The following ARHGEF7 variants were observed in gnomAD, a reference collection of about 807,000 sequenced individuals.
The protein encoded by ARHGEF7 is Rho guanine nucleotide exchange factor 7, also known as PAK-interacting exchange factor beta.
ARHGEF7 carries 33 observed loss-of-function variants against 109.8 expected under a neutral mutation model. The ratio of observed to expected loss-of-function variants is 0.30; its 90% CI spans 0.23 to 0.40. The LOEUF is 0.40. Ranked by LOEUF, ARHGEF7 falls within the 10% of genes least tolerant of loss-of-function variation. The pLI is 1.00. For missense variants in ARHGEF7, 938 were observed against 1,098.5 expected (o/e 0.85, Z 2.07); for synonymous variants, 458 against 424.6 (o/e 1.08, Z -0.97).
chr13:111,286,147 G>T lies in ARHGEF7; in HGVS notation c.1951G>T (p.Asp651Tyr), dbSNP rs1362574058. The T allele has an allele frequency of 6.2e-7, 1 of 1,612,316 alleles. No homozygotes were observed. The highest frequency in any genetic ancestry group is 8.5e-7 in the Non-Finnish European group (1 of 1,178,510). The change falls in exon 17 of 22, where the codon GAT (aspartate) becomes TAT (tyrosine). Residue 651 changes from aspartate to tyrosine, a missense_variant and splice_region_variant. Coordinates refer to ENST00000646102, the MANE Select transcript of ARHGEF7 (RefSeq NM_001354046.2). ...RPSAALCYKE[D>Y]LSKSPKTMKK... ...AGCATTTTCTTTTGTCTTTCCCTAG[G>T]ATCTTAGTAAGAGCCCTAAGACCAT...
intron 2 of ARHGEF7, among the ~76,000 whole-genome samples, chr13:111,177,422 G>A (rs966467971): frequency 6.6e-6 from 1 of 152,214 alleles, no homozygotes; most frequent in Admixed American, 6.5e-5. Flanking sequence ...AGCTCAGGCG[G>A]GGTGTGAGAT....
intron 1 of ARHGEF7, 89 bp from the exon 2 acceptor site, chr13:111,153,816 G>A: frequency 1.3e-6 from 2 of 1,497,834 alleles, no homozygotes; most frequent in Non-Finnish European, 1.8e-6. Context: ...CCGCTGTGTT[G>A]GGAGCGCGGG....
chr13:111,115,791 C>G (rs1205232403), intron 1 of ARHGEF7, 100 bp downstream of exon 1: 2 of 574,470 alleles, frequency 3.5e-6, no homozygotes, highest in Non-Finnish European at 4.5e-6. Flanking sequence ...TCGGGAAACC[C>G]GTGCGCCCTC....
At chr13:111,293,437 A>T (rs1247069734) in intron 19 of ARHGEF7, 12 of 9,816 alleles carry the variant, frequency 1.2e-3, no homozygotes, top group African/African-American at 2.1e-3. Flanking sequence ...TCACTTATTT[A>T]AAAAAAAAAA....
At position 111,297,256 on chromosome 13, in the gene ARHGEF7, C is replaced by T. The variant is rs548515350; in HGVS notation, c.2312-3492C>T. Among the ~76,000 whole-genome samples the T allele has an allele frequency of 1.4e-4, 21 of 152,284 alleles. No homozygotes were observed. In the South Asian group the frequency reaches 1.7e-3, roughly 12 times the overall value. On this transcript the variant is annotated intron_variant, in intron 19 of 21. Transcript: ENST00000646102. ...TTATTAGAATTGCATAATTTCTAGG[C>T]GTGTTAATAATCCTCATTTACAAGC...
At chr13:111,203,395 C>G (rs1353417111) in intron 2 of ARHGEF7, among the ~76,000 whole-genome samples, 1 of 152,168 alleles carries the variant, frequency 6.6e-6, no homozygotes, top group Non-Finnish European at 1.5e-5. Flanking sequence ...GGGATTTCTT[C>G]TTAAATAATA....
chr13:111,174,780 G>A (rs2077963860), intron 2 of ARHGEF7, among the ~76,000 whole-genome samples: 1 of 152,350 alleles, frequency 6.6e-6, no homozygotes. Flanking sequence ...GGGGTCGTAA[G>A]CAGAAAGGAG....
At chr13:111,242,789 C>G (rs1037824494) in intron 6 of ARHGEF7, among the ~76,000 whole-genome samples, 2 of 152,330 alleles carry the variant, frequency 1.3e-5, no homozygotes, top group Admixed American at 6.5e-5. Context: ...GAGAAGTCAG[C>G]TTCTCTAAGA....
At chr13:111,135,725 A>G (rs929248966) in intron 1 of ARHGEF7, among the ~76,000 whole-genome samples, 27 of 152,222 alleles carry the variant, frequency 1.8e-4, no homozygotes, top group African/African-American at 5.5e-4. Flanking sequence ...TAAATATACA[A>G]TCATGTCATC....
chr13:111,115,535 C>A lies in ARHGEF7; in HGVS notation c.9C>A (p.Ser3=). Residue 3 remains serine, a synonymous_variant, in exon 1 of 22, where the codon TCC becomes TCA. Transcript: ENST00000646102. MN[S]AEQTVTWLIT... is the part of the protein sequence containing the mutation. ...CCTCCCGGGCCGCAGCGATGAATTCCGCCGAGCAAACCGTTACGTGGCTCA... is the reference window on the plus strand; with the variant it reads ...CCTCCCGGGCCGCAGCGATGAATTCAGCCGAGCAAACCGTTACGTGGCTCA... 1 of 1,380,314 alleles carries A rather than the reference C, an allele frequency of 7.2e-7. No homozygotes were observed. Among genetic ancestry groups the A allele is most frequent in the Non-Finnish European group, 9.6e-7 (1 of 1,046,760 alleles). The allele number at this position is 1,380,314 out of a possible 1,614,324, so 85.5% of individuals were successfully genotyped here.
In ARHGEF7 at chr13:111,145,468, G is replaced by A. The variant is rs2075542737; in HGVS notation, c.166-8437G>A. ...GAAGGAGGGTTTCTCCAGCCAGTGA[G>A]AGCTGTAGTTACAGGAGAGGCTGCC... On this transcript the variant is annotated intron_variant, in intron 1 of 21. Transcript: ENST00000646102. This position sits in a 1 kb window ranked among gnomAD's most constrained non-coding sequence, Gnocchi z 4.3. 6.6e-6 allele frequency among the ~76,000 whole-genome samples: 1 copy of A among 151,538 alleles called. No homozygotes were observed. Among genetic ancestry groups the A allele is most frequent in the Admixed American group, 6.6e-5 (1 of 15,214 alleles).
chr13:111,197,789 C>T (rs974417802), intron 2 of ARHGEF7, among the ~76,000 whole-genome samples: 11 of 152,004 alleles, frequency 7.2e-5, no homozygotes, highest in South Asian at 6.2e-4. Context: ...TTGGCGGGCC[C>T]GGGTGCCTAA....
At chr13:111,198,674 T>G (rs2080861852) in intron 2 of ARHGEF7, among the ~76,000 whole-genome samples, 1 of 151,990 alleles carries the variant, frequency 6.6e-6, no homozygotes. Flanking sequence ...CTCATAAAGG[T>G]AGTGTGGACC....
chr13:111,198,240 C>T (rs527919560), intron 2 of ARHGEF7, among the ~76,000 whole-genome samples: 7 of 152,176 alleles, frequency 4.6e-5, no homozygotes, highest in East Asian at 1.9e-4. Context: ...ATTTAGCCCC[C>T]GAATTCTACG....
At chr13:111,251,458 G>A (rs766138142) in intron 8 of ARHGEF7, among the ~76,000 whole-genome samples, 18 of 152,100 alleles carry the variant, frequency 1.2e-4, no homozygotes, top group Non-Finnish European at 2.5e-4. Flanking sequence ...TATCATAGTC[G>A]GCACTCTTCT....
At position 111,302,992 on chromosome 13, in the gene ARHGEF7, A is replaced by C; in HGVS notation, c.2468A>C (p.Asp823Ala). ...LKDEVQELRQ[D>A]NKKMKKSLEE... ...CCCTGTGGTCTGCTTAATTTACAGG[A>C]CAACAAAAAGATGAAGAAATCTCTA... The change falls in exon 22 of 22, where the codon GAC (aspartate) becomes GCC (alanine). Residue 823 changes from aspartate to alanine, a missense_variant and splice_region_variant. Asp to Ala is a moderately radical substitution (Grantham distance 126). Coordinates refer to ENST00000646102, the MANE Select transcript of ARHGEF7 (RefSeq NM_001354046.2). 1 of 1,614,088 alleles carries C rather than the reference A, an allele frequency of 6.2e-7. No individual in the cohort carries two copies. Among genetic ancestry groups the C allele is most frequent in the Non-Finnish European group, 8.5e-7 (1 of 1,179,976 alleles).
At chr13:111,149,069 G>T (rs1322278219) in intron 1 of ARHGEF7, among the ~76,000 whole-genome samples, 1 of 152,006 alleles carries the variant, frequency 6.6e-6, no homozygotes, top group Non-Finnish European at 1.5e-5. Flanking sequence ...TAGTCATTCA[G>T]GGGTAAATTA....
rs1225790720 is a variant in ARHGEF7 at position 111,198,650 on chromosome 13, G to A, written c.253-6639G>A. ...CAGGAACGAAGCTGCAGACCCTTGC[G>A]GTGAGTGTTACAGCTCATAAAGGTA... On this transcript the variant is annotated intron_variant, in intron 2 of 21. Coordinates refer to ENST00000646102, the MANE Select transcript of ARHGEF7 (RefSeq NM_001354046.2). Among the ~76,000 whole-genome samples, 8 of 152,282 alleles carry A rather than the reference G, an allele frequency of 5.3e-5. No individual in the cohort carries two copies. In the South Asian group the frequency reaches 6.2e-4, roughly 12 times the overall value.
At chr13:111,137,310 T>A (rs1301729089) in intron 1 of ARHGEF7, among the ~76,000 whole-genome samples, 1 of 152,236 alleles carries the variant, frequency 6.6e-6, no homozygotes, top group African/African-American at 2.4e-5. Flanking sequence ...GGGGCCATGA[T>A]TGAGAATCAC....
Sources: allele counts gnomAD v4.1 joint callset (sites outside exome capture counted in the v4.1 genomes callset), GRCh38; gene constraint gnomAD v4.1.1; non-coding constraint Gnocchi (gnomAD v3.1); transcripts MANE v1.5; gene names NCBI Gene and HGNC (gene_info 2026-07-23, HGNC 2026-07-21).